FDX1: variants seen among roughly 807,000 people sequenced by gnomAD.
FDX1 encodes adrenodoxin, mitochondrial.
A neutral mutation model predicts 14.9 loss-of-function variants in FDX1; 9 were observed. The observed-to-expected ratio is 0.60, with a 90% CI of 0.36 to 1.05. The LOEUF (loss-of-function observed/expected upper bound fraction) is 1.05. Ranked by LOEUF, FDX1 falls within the 50% of genes least tolerant of loss-of-function variation. The pLI, the probability that FDX1 is intolerant of heterozygous loss-of-function variation, is 0.01. For synonymous variants in FDX1, 92 were observed against 99.4 expected, an observed-to-expected ratio of 0.93 and a Z score of 0.44; for missense variants, 204 against 237.2, an observed-to-expected ratio of 0.86 and a Z score of 0.92.
chr11:110,452,883 C>G (rs1946495727), intron 2 of FDX1, among the ~76,000 whole-genome samples: 1 of 152,140 alleles, frequency 6.6e-6, no homozygotes, highest in East Asian at 1.9e-4. Flanking sequence ...AAAGACTAAA[C>G]CACAGTGATA....
chr11:110,447,245 T>A (rs1240473350), intron 2 of FDX1, among the ~76,000 whole-genome samples: 1 of 89,660 alleles, frequency 1.1e-5, no homozygotes, highest in East Asian at 3.4e-4. Flanking sequence ...CTGGCCAACA[T>A]AATGAAACCC....
chr11:110,455,226 C>T (rs1017960306), intron 2 of FDX1, among the ~76,000 whole-genome samples: 1 of 152,020 alleles, frequency 6.6e-6, no homozygotes, highest in African/African-American at 2.4e-5. Flanking sequence ...AGGCTGGTCT[C>T]GAACCTCACG....
At chr11:110,446,301 T>A (rs1319200383) in intron 2 of FDX1, among the ~76,000 whole-genome samples, 1 of 152,218 alleles carries the variant, frequency 6.6e-6, no homozygotes, top group East Asian at 1.9e-4. Context: ...CAGGAGCCCA[T>A]CTAAACACTG....
chr11:110,430,585 C>A (rs888846947), intron 1 of FDX1, among the ~76,000 whole-genome samples: 2 of 152,240 alleles, frequency 1.3e-5, no homozygotes, highest in Non-Finnish European at 2.9e-5. Flanking sequence ...CCTTTCCCAG[C>A]GCTTCCCGTG....
rs1243408731 is a variant in FDX1 at position 110,463,342 on chromosome 11, TC to T, written c.*875del. The T allele has an allele frequency of 6.6e-6, 1 of 152,266 alleles. No homozygotes were observed. Among genetic ancestry groups the T allele is most frequent in the Non-Finnish European group, 1.5e-5 (1 of 68,048 alleles). The allele number at this position is 152,266 out of a possible 1,614,324, so 9.4% of individuals were successfully genotyped here. A position where few individuals can be genotyped will look rare whatever the true frequency, so the allele number is the denominator to read the frequency against. On this transcript the variant is annotated 3_prime_UTR_variant, in exon 4 of 4. Coordinates refer to ENST00000260270, the MANE Select transcript of FDX1 (RefSeq NM_004109.5). ...CACAGCCCCAGGTGGCGCCATTCTC[TC>T]ACGCAAGGATGGGGCTGCAGGGTGA...
rs188463932 is a variant in FDX1, at chr11:110,436,661, G to A, written c.310+703G>A. Among the ~76,000 whole-genome samples, 1,409 of 145,218 alleles carry A rather than the reference G, an allele frequency of 9.7e-3. 16 individuals carry two copies. The highest frequency in any genetic ancestry group is 0.027 in the Middle Eastern group (7 of 258). On this transcript the variant is annotated intron_variant, in intron 2 of 3. Transcript: ENST00000260270. Reference sequence around the variant, plus strand: ...GCATTGCATGTTGTAACAGCTGTCTGTGTGATTTTGATGCATGTTCAAGTT... The same window carrying A: ...GCATTGCATGTTGTAACAGCTGTCTATGTGATTTTGATGCATGTTCAAGTT...
rs147778113 is a variant in FDX1 at position 110,456,995 on chromosome 11, A to G, written c.388A>G (p.Ile130Val). 1,488 of 1,613,796 alleles carry G rather than the reference A, an allele frequency of 9.2e-4. No homozygotes were observed. Among genetic ancestry groups the G allele is most frequent in the Non-Finnish European group, 1.2e-3 (1,382 of 1,179,758 alleles). Reference protein sequence around the residue: ...EDHIYEKLDAITDEENDMLDL... With the variant: ...EDHIYEKLDAVTDEENDMLDL... Reference sequence around the variant, plus strand: ...TCACATATATGAGAAGTTAGATGCAATCACTGATGAGGAGAATGACATGCT... The same window carrying G: ...TCACATATATGAGAAGTTAGATGCAGTCACTGATGAGGAGAATGACATGCT... Residue 130 changes from isoleucine to valine, a missense_variant, in exon 3 of 4, where the codon ATC becomes GTC. Physicochemically the swap from Ile to Val is conservative, Grantham distance 29. Coordinates refer to ENST00000260270, the MANE Select transcript of FDX1 (RefSeq NM_004109.5).
chr11:110,444,666 GTATATATATATATATATACACGTA>G (rs1946428782), intron 2 of FDX1, among the ~76,000 whole-genome samples: 3 of 42,614 alleles, frequency 7.0e-5, no homozygotes, highest in African/African-American at 2.9e-4. Flanking sequence ...ATATATATAC[GTATATATATATATATATACACGTA>G]TATATATATA....
At chr11:110,432,127 GT>G (rs1946335941) in intron 1 of FDX1, among the ~76,000 whole-genome samples, 1 of 152,198 alleles carries the variant, frequency 6.6e-6, no homozygotes, top group Non-Finnish European at 1.5e-5. Context: ...AGACAGAGCA[GT>G]TCTAGAAACT....
At chr11:110,431,367 A>T (rs1406267825) in intron 1 of FDX1, among the ~76,000 whole-genome samples, 1 of 152,236 alleles carries the variant, frequency 6.6e-6, no homozygotes. Context: ...GGTAGCAGGA[A>T]TCGAGAACTA....
chr11:110,447,672 C>T (rs960176664), intron 2 of FDX1, among the ~76,000 whole-genome samples: 2 of 151,934 alleles, frequency 1.3e-5, no homozygotes, highest in Non-Finnish European at 2.9e-5. Context: ...TATACTTTAC[C>T]CTCTCCCTGA....
chr11:110,433,606 T>A (rs1203823654), intron 1 of FDX1, among the ~76,000 whole-genome samples: 1 of 152,240 alleles, frequency 6.6e-6, no homozygotes, highest in Non-Finnish European at 1.5e-5. Flanking sequence ...TCTCAGCCAT[T>A]GTACTTTGAA....
chr11:110,448,559 A>G (rs1490371973), intron 2 of FDX1, among the ~76,000 whole-genome samples: 8 of 152,214 alleles, frequency 5.3e-5, no homozygotes, highest in Non-Finnish European at 1.2e-4. Context: ...GGAAAGGAGC[A>G]GAGCAGTCTG....
At chr11:110,454,980 G>T (rs1164157914) in intron 2 of FDX1, among the ~76,000 whole-genome samples, 2 of 152,166 alleles carry the variant, frequency 1.3e-5, no homozygotes, top group African/African-American at 4.8e-5. Context: ...AAGATTTAGA[G>T]AAACTTCACG....
At chr11:110,429,933 G>A (rs1946317027), upstream of FDX1, 4 of 354,342 alleles carry the variant, frequency 1.1e-5, no homozygotes, top group South Asian at 3.0e-4. Flanking sequence ...TGTCTTTATA[G>A]GTCACCCGGA....
intron 2 of FDX1, among the ~76,000 whole-genome samples, chr11:110,436,351 ATTTAGAAAGTTTTCATT>A: frequency 6.6e-6 from 1 of 152,282 alleles, no homozygotes; most frequent in African/African-American, 2.4e-5. Context: ...AAAGTGATTT[ATTTAGAAAGTTTTCATT>A]TTTAGACTTC....
chr11:110,437,774 G>C (rs1591247436), intron 2 of FDX1, among the ~76,000 whole-genome samples: 1 of 152,176 alleles, frequency 6.6e-6, no homozygotes, highest in African/African-American at 2.4e-5. Context: ...CCAATAGGTA[G>C]TTTTCCTCCT....
At chr11:110,436,706 A>G (rs1001494649) in intron 2 of FDX1, among the ~76,000 whole-genome samples, 1 of 151,960 alleles carries the variant, frequency 6.6e-6, no homozygotes, top group Non-Finnish European at 1.5e-5. Flanking sequence ...CTGGTCTGGA[A>G]TAAGGTTCAA....
chr11:110,460,886 C>G (rs1323238320), intron 3 of FDX1, among the ~76,000 whole-genome samples: 1 of 152,050 alleles, frequency 6.6e-6, no homozygotes, highest in Non-Finnish European at 1.5e-5. Context: ...ATCCCAATGC[C>G]CAGAAAATAA....
Sources: allele counts gnomAD v4.1 joint callset (sites outside exome capture counted in the v4.1 genomes callset), GRCh38; gene constraint gnomAD v4.1.1; transcripts MANE v1.5; gene names NCBI Gene and HGNC (gene_info 2026-07-23, HGNC 2026-07-21).